KIAA1549: variants seen among roughly 807,000 people sequenced by gnomAD.
The protein encoded by KIAA1549 is KIAA1549.
KIAA1549 carries 70 observed loss-of-function variants against 156.4 expected under a neutral mutation model. The observed-to-expected ratio is 0.45, with a 90% CI of 0.37 to 0.55. The LOEUF is 0.55. Among genes scored for constraint, KIAA1549 ranks in the 20% least tolerant of loss-of-function variants. KIAA1549 has a pLI of 0.00. For missense variants in KIAA1549, 2,428 were observed against 2,540.9 expected, an observed-to-expected ratio of 0.96 and a Z score of 0.96; for synonymous variants, 1,103 against 1,066.4, an observed-to-expected ratio of 1.03 and a Z score of -0.67.
Position 138,833,296 on chromosome 7 carries a change from G to C in KIAA1549, c.*4610C>G, listed in dbSNP as rs1417105266. 1 of 232,536 alleles carries C rather than the reference G, an allele frequency of 4.3e-6. No homozygotes were observed. Among genetic ancestry groups the C allele is most frequent in the Non-Finnish European group, 8.5e-6 (1 of 117,706 alleles). The allele number at this position is 232,536 out of a possible 1,614,324, so 14.4% of individuals were successfully genotyped here. A position where few individuals can be genotyped will look rare whatever the true frequency, so the allele number is the denominator to read the frequency against. The stretch of plus-strand genomic sequence containing the variant: ...TGAGAATCTAGTGTGAAAGGGATGA[G>C]AGAGACTTATATAACAACTAATTTG... On this transcript the variant is annotated 3_prime_UTR_variant, in exon 20 of 20. Transcript: ENST00000422774.
chr7:138,909,449 G>A (rs900025810), intron 4 of KIAA1549, among the ~76,000 whole-genome samples: 1 of 152,276 alleles, frequency 6.6e-6, no homozygotes, highest in African/African-American at 2.4e-5. Flanking sequence ...GAATATTTAT[G>A]GGTGAAATGA....
rs1563055508 is a variant in KIAA1549, at chr7:138,868,063, G to A, written c.4841C>T (p.Ala1614Val). 6.2e-7 allele frequency: 1 copy of A among 1,613,804 alleles called. No individual in the cohort carries two copies. Among genetic ancestry groups the A allele is most frequent in the Non-Finnish European group, 8.5e-7 (1 of 1,179,868 alleles). Residue 1614 changes from alanine (A) to valine (V), a missense_variant, in exon 15 of 20, where the codon GCT becomes GTT. Physicochemically the swap from Ala to Val is moderately conservative, Grantham distance 64. This residue lies in a region of KIAA1549 where 404 missense variants were observed against 417.0 expected (regional missense o/e 0.97). Coordinates refer to ENST00000422774, the MANE Select transcript of KIAA1549 (RefSeq NM_001164665.2). ...TGTGGTGATGAGCCGGTCCTTCTCA[G>A]CGTCGGCAGGACAGCCGTTGACCTG... ...KHQVNGCPAD[A>V]EKDRLITTDS...
intron 19 of KIAA1549, among the ~76,000 whole-genome samples, chr7:138,839,866 C>G (rs1048548144): frequency 7.8e-6 from 1 of 128,124 alleles, no homozygotes; most frequent in Admixed American, 1.0e-4. Context: ...CGGCTTAGTG[C>G]AACCTCCATC....
rs913126583 is a variant in KIAA1549, at chr7:138,836,003, C to T, written c.*1903G>A. Reference sequence around the variant, plus strand: ...TAAGACTCTAAATCTGTACAACAGGCTTCATTAATGAAGGGCTAAAACATG... The same window carrying T: ...TAAGACTCTAAATCTGTACAACAGGTTTCATTAATGAAGGGCTAAAACATG... On this transcript the variant is annotated 3_prime_UTR_variant, in exon 20 of 20. Transcript: ENST00000422774. 2.4e-5 allele frequency: 5 copies of T among 211,874 alleles called. No homozygotes were observed. Among genetic ancestry groups the T allele is most frequent in the Non-Finnish European group, 3.8e-5 (4 of 104,656 alleles). The allele number at this position is 211,874 out of a possible 1,614,324, so 13.1% of individuals were successfully genotyped here.
intron 1 of KIAA1549, among the ~76,000 whole-genome samples, chr7:138,925,602 G>C (rs1812689181): frequency 6.6e-6 from 1 of 152,084 alleles, no homozygotes; most frequent in African/African-American, 2.4e-5. Context: ...GGAGGTGGGA[G>C]GCGAGCGAAT....
chr7:138,862,195 A>G (rs1411823936), intron 15 of KIAA1549, among the ~76,000 whole-genome samples: 1 of 152,156 alleles, frequency 6.6e-6, no homozygotes, highest in Non-Finnish European at 1.5e-5. Context: ...AACTATACAT[A>G]TTAAAACTAT....
intron 15 of KIAA1549, among the ~76,000 whole-genome samples, chr7:138,867,041 G>A (rs946475075): frequency 6.6e-5 from 10 of 152,056 alleles, no homozygotes; most frequent in African/African-American, 2.2e-4. Context: ...GGGCTCAAGC[G>A]ATCCATCCAC....
rs772691904 is a variant in KIAA1549 at position 138,869,776 on chromosome 7, G to T, written c.4552-15C>A. 5.0e-6 allele frequency: 8 copies of T among 1,597,276 alleles called. No individual in the cohort carries two copies. The Admixed American group carries it at 1.4e-4, about 27-fold the overall frequency. On this transcript the variant is annotated splice_polypyrimidine_tract_variant and intron_variant, in intron 13 of 19. Transcript: ENST00000422774. The stretch of plus-strand genomic sequence containing the variant: ...GCGGTCTGAATCTGAGGAAGGGTGA[G>T]GGAGAGAAAGACAGCCATAGAGGTC...
rs1811627824 is a variant in KIAA1549, at chr7:138,894,428, C to T, written c.3946G>A (p.Val1316Ile). 1 of 1,613,900 alleles carries T rather than the reference C, an allele frequency of 6.2e-7. No individual in the cohort carries two copies. Among genetic ancestry groups the T allele is most frequent in the African/African-American group, 1.3e-5 (1 of 74,928 alleles). The change falls in exon 10 of 20, where the codon GTT (valine) becomes ATT (isoleucine). Residue 1316 changes from valine (V) to isoleucine (I), a missense_variant. This residue lies in a region of KIAA1549 where 762 missense variants were observed against 901.6 expected (regional missense o/e 0.85). Transcript: ENST00000422774. ...CATAGTTTCCAGTAGAGGATGACAA[C>T]AATCACCATCACCACCAGCACTGGG... ...VIPVLVVMVI[V>I]VILYWKLCRT...
At chr7:138,894,590 G>A in intron 9 of KIAA1549, 64 bp from the exon 10 acceptor site, 1 of 1,513,586 alleles carries the variant, frequency 6.6e-7, no homozygotes, top group Non-Finnish European at 9.1e-7. Context: ...GATTGCACGT[G>A]TCTTCTATGA....
chr7:138,912,941 C>T (rs1812211377), intron 2 of KIAA1549, among the ~76,000 whole-genome samples: 1 of 152,206 alleles, frequency 6.6e-6, no homozygotes, highest in Admixed American at 6.5e-5. Flanking sequence ...GTGGCGCAAT[C>T]TTGGCTCACT....
intron 1 of KIAA1549, among the ~76,000 whole-genome samples, chr7:138,978,197 C>CA (rs1268334923): frequency 4.0e-5 from 6 of 151,644 alleles, no homozygotes; most frequent in East Asian, 1.9e-4. Context: ...ATGTTAACAA[C>CA]AAAAAAACGA....
intron 11 of KIAA1549, 82 bp from the exon 12 acceptor site, chr7:138,879,735 T>A: frequency 1.1e-6 from 1 of 917,688 alleles, no homozygotes; most frequent in Non-Finnish European, 1.6e-6. Context: ...TGTGTGGAAG[T>A]CAGGCTTCCA....
At chr7:138,926,348 G>A (rs1447105016) in intron 1 of KIAA1549, among the ~76,000 whole-genome samples, 4 of 151,966 alleles carry the variant, frequency 2.6e-5, no homozygotes, top group East Asian at 3.8e-4. Context: ...GTGCAGAGGT[G>A]CAATCTCGGC....
At chr7:138,859,021 A>G (rs1176297802) in intron 16 of KIAA1549, among the ~76,000 whole-genome samples, 1 of 149,250 alleles carries the variant, frequency 6.7e-6, no homozygotes, top group Non-Finnish European at 1.5e-5. Context: ...ACACACACAC[A>G]CACACACACA....
Position 138,837,937 on chromosome 7 carries a change from T to C in KIAA1549, c.5822A>G (p.Lys1941Arg), listed in dbSNP as rs2130318838. The C allele has an allele frequency of 6.2e-7, 1 of 1,613,836 alleles. No individual in the cohort carries two copies. Among genetic ancestry groups the C allele is most frequent in the Non-Finnish European group, 8.5e-7 (1 of 1,179,880 alleles). Residue 1941 changes from lysine to arginine, a missense_variant, in exon 20 of 20, where the codon AAA (lysine) becomes AGA (arginine). By Grantham distance (26) the Lys-to-Arg change is conservative (BLOSUM62 2). This residue lies in a region of KIAA1549 where 363 missense variants were observed against 354.0 expected (regional missense o/e 1.03). Coordinates refer to ENST00000422774, the MANE Select transcript of KIAA1549 (RefSeq NM_001164665.2). ...GTGGAAGTTCTGCACGGTGCTCTGT[T>C]TCTGGGAGAGCCGGAGGAGCTCCTC... ...IREELLRLSQ[K>R]QSTVQNFHS
At chr7:138,925,876 G>C (rs1812702388) in intron 1 of KIAA1549, among the ~76,000 whole-genome samples, 1 of 137,518 alleles carries the variant, frequency 7.3e-6, no homozygotes, top group Non-Finnish European at 1.6e-5. Flanking sequence ...AACTATGTTA[G>C]AGTACAATTG....
At chr7:138,976,866 C>T (rs1814395401) in intron 1 of KIAA1549, among the ~76,000 whole-genome samples, 1 of 152,230 alleles carries the variant, frequency 6.6e-6, no homozygotes, top group South Asian at 2.1e-4. Flanking sequence ...ACCAAAGAGT[C>T]TAATTTAGAG....
chr7:138,981,284 C>A lies in KIAA1549; in HGVS notation c.-15G>T. 1 of 968,272 alleles carries A rather than the reference C, an allele frequency of 1.0e-6. No homozygotes were observed. Among genetic ancestry groups the A allele is most frequent in the Non-Finnish European group, 1.2e-6 (1 of 817,170 alleles). 60.0% of individuals were successfully genotyped at this position (968,272 alleles called of 1,614,324 possible). ...GCCCCCGGCATTCCCGGCCGGCGCC[C>A]CGGCCCGGCCTCGCGGCTCAGCGGC... On this transcript the variant is annotated 5_prime_UTR_variant, in exon 1 of 20. Transcript: ENST00000422774. The surrounding 1 kb of genome is among the most constrained non-coding windows in gnomAD (Gnocchi z 4.5).
Sources: allele counts gnomAD v4.1 joint callset (sites outside exome capture counted in the v4.1 genomes callset), GRCh38; gene constraint gnomAD v4.1.1; regional missense constraint gnomAD v4.1.1; non-coding constraint Gnocchi (gnomAD v3.1); transcripts MANE v1.5; gene names NCBI Gene and HGNC (gene_info 2026-07-23, HGNC 2026-07-21).